The following GPC6 variants were observed in gnomAD, a reference collection of about 807,000 sequenced individuals.
GPC6 encodes glypican 6.
GPC6 carries 14 observed loss-of-function variants against 55.2 expected under a neutral mutation model. The ratio of observed to expected loss-of-function variants is 0.25; its 90% CI spans 0.17 to 0.40. The LOEUF is 0.40. GPC6 is among the 10% of genes least tolerant of loss of function. The probability of loss-of-function intolerance (pLI) is 1.00; values close to 1 mark genes in which losing one functional copy is unlikely to be tolerated. For missense variants in GPC6, 641 were observed against 708.5 expected, an observed-to-expected ratio of 0.90 and a Z score of 1.08; for synonymous variants, 278 against 259.6, an observed-to-expected ratio of 1.07 and a Z score of -0.68.
At chr13:94,169,593 G>C (rs1173000958) in intron 4 of GPC6, among the ~76,000 whole-genome samples, 1 of 151,570 alleles carries the variant, frequency 6.6e-6, no homozygotes, top group Non-Finnish European at 1.5e-5. Context: ...CAGATGCAAA[G>C]AGCATAGAGA....
intron 2 of GPC6, among the ~76,000 whole-genome samples, chr13:93,765,488 T>C (rs949855178): frequency 6.6e-6 from 1 of 151,826 alleles, no homozygotes; most frequent in East Asian, 1.9e-4. Context: ...TATAAACTTT[T>C]TTAAAAAAAA....
intron 6 of GPC6, among the ~76,000 whole-genome samples, chr13:94,318,834 G>A (rs1468203618): frequency 6.6e-6 from 1 of 152,084 alleles, no homozygotes; most frequent in East Asian, 1.9e-4. Context: ...AGTATATATA[G>A]TGATTTCCTT....
intron 1 of GPC6, among the ~76,000 whole-genome samples, chr13:93,413,137 G>GA (rs1482373144): frequency 6.6e-6 from 1 of 152,046 alleles, no homozygotes; most frequent in Non-Finnish European, 1.5e-5. Flanking sequence ...GTTTATTTAG[G>GA]AAAAAATATT....
At chr13:93,311,153 A>G (rs1879052585) in intron 1 of GPC6, among the ~76,000 whole-genome samples, 1 of 152,216 alleles carries the variant, frequency 6.6e-6, no homozygotes, top group Non-Finnish European at 1.5e-5. Flanking sequence ...GGGCAATGCC[A>G]GCTGGGACTC....
intron 4 of GPC6, among the ~76,000 whole-genome samples, chr13:94,259,694 A>T (rs1380011498): frequency 6.6e-6 from 1 of 151,920 alleles, no homozygotes; most frequent in African/African-American, 2.4e-5. Context: ...GGCAATGGCC[A>T]CTCTATTTCC....
intron 2 of GPC6, among the ~76,000 whole-genome samples, chr13:93,761,834 CATT>C (rs569948170): frequency 1.1e-3 from 166 of 152,224 alleles, no homozygotes; most frequent in African/African-American, 3.8e-3. Flanking sequence ...ATAATTAACA[CATT>C]AGTCATCTGA....
At chr13:93,763,454 A>G (rs1339936122) in intron 2 of GPC6, among the ~76,000 whole-genome samples, 1 of 152,144 alleles carries the variant, frequency 6.6e-6, no homozygotes. Flanking sequence ...CTATCCTCTC[A>G]TATCATAGGA....
At chr13:93,449,262 A>G (rs139258078) in intron 1 of GPC6, among the ~76,000 whole-genome samples, 3 of 152,278 alleles carry the variant, frequency 2.0e-5, no homozygotes, top group South Asian at 4.1e-4. Context: ...GAAGTCAACC[A>G]CCACACATTA....
At chr13:93,888,598 G>A (rs1875480792) in intron 3 of GPC6, among the ~76,000 whole-genome samples, 1 of 152,142 alleles carries the variant, frequency 6.6e-6, no homozygotes, top group Admixed American at 6.6e-5. Context: ...CTGAACACCA[G>A]AAATCTCCCC....
chr13:93,823,895 C>T (rs536770331), intron 2 of GPC6, among the ~76,000 whole-genome samples: 28 of 152,168 alleles, frequency 1.8e-4, no homozygotes, highest in African/African-American at 6.5e-4. Flanking sequence ...TTTATAAAAA[C>T]ATACACCTAC....
intron 4 of GPC6, among the ~76,000 whole-genome samples, chr13:94,153,065 C>T (rs897575028): frequency 6.6e-6 from 1 of 151,876 alleles, no homozygotes; most frequent in Non-Finnish European, 1.5e-5. Context: ...AGTTATGTGT[C>T]GTGCAACCAT....
chr13:93,688,397 C>T (rs1158826910), intron 2 of GPC6, among the ~76,000 whole-genome samples: 1 of 151,914 alleles, frequency 6.6e-6, no homozygotes, highest in Non-Finnish European at 1.5e-5. Flanking sequence ...ATATAATTAC[C>T]ATGTGATCCA....
intron 2 of GPC6, among the ~76,000 whole-genome samples, chr13:93,754,568 C>T (rs1318890741): frequency 5.3e-5 from 8 of 151,676 alleles, no homozygotes; most frequent in African/African-American, 1.9e-4. Flanking sequence ...CCCTTTATTC[C>T]AAAATGTTAA....
intron 1 of GPC6, among the ~76,000 whole-genome samples, chr13:93,244,682 G>A (rs12430764): frequency 0.58 from 88,663 of 152,038 alleles, 26,780 homozygotes; most frequent in African/African-American, 0.72. Context: ...CGGCTCCCCA[G>A]TGGGAATGTG....
At chr13:94,197,743 T>C (rs1469256646) in intron 4 of GPC6, among the ~76,000 whole-genome samples, 1 of 152,212 alleles carries the variant, frequency 6.6e-6, no homozygotes, top group Non-Finnish European at 1.5e-5. Context: ...AAAGATAGTA[T>C]CTGTATTTTG....
intron 2 of GPC6, among the ~76,000 whole-genome samples, chr13:93,816,397 C>A (rs1044568133): frequency 2.0e-5 from 3 of 152,014 alleles, no homozygotes; most frequent in Admixed American, 1.3e-4. Context: ...TTTATTAAAC[C>A]CTTTTTACTA....
chr13:93,390,563 G>A (rs1387442461), intron 1 of GPC6, among the ~76,000 whole-genome samples: 2 of 152,132 alleles, frequency 1.3e-5, no homozygotes, highest in Non-Finnish European at 2.9e-5. Flanking sequence ...AAGAGACTGA[G>A]AATGTTCAAC....
chr13:93,793,029 A>C (rs1056955646), intron 2 of GPC6, among the ~76,000 whole-genome samples: 1 of 152,338 alleles, frequency 6.6e-6, no homozygotes, highest in Non-Finnish European at 1.5e-5. Flanking sequence ...CTGTTGCAAG[A>C]ATAATGCCGG....
At chr13:93,984,324 C>T (rs956598916) in intron 3 of GPC6, among the ~76,000 whole-genome samples, 3 of 152,050 alleles carry the variant, frequency 2.0e-5, no homozygotes, top group Non-Finnish European at 4.4e-5. Context: ...GGAGGCTTTA[C>T]GTAAATAGTA....
Sources: gnomAD v4.1 joint callset for allele counts (sites outside exome capture counted in the v4.1 genomes callset) on GRCh38, gnomAD v4.1.1 for gene constraint, MANE v1.5 for transcripts, NCBI Gene and HGNC (gene_info 2026-07-23, HGNC 2026-07-21) for gene names.